Variants in TDRD1 observed in about 807,000 individuals in gnomAD.
The protein encoded by TDRD1 is tudor domain containing 1.
Under a neutral mutation model 140.6 loss-of-function variants are expected in TDRD1, and 37 were observed. The observed-to-expected ratio is 0.26, with a 90% CI of 0.20 to 0.35. The LOEUF is 0.35. Among genes scored for constraint, TDRD1 ranks in the 10% least tolerant of loss-of-function variants. The pLI is 1.00. For synonymous variants in TDRD1, 506 were observed against 475.7 expected (o/e 1.06, Z -0.83); for missense variants, 1,243 against 1,393.0 (o/e 0.89, Z 1.71).
chr10:114,207,543 A>G (rs1270902995), intron 11 of TDRD1, among the ~76,000 whole-genome samples: 1 of 152,166 alleles, frequency 6.6e-6, no homozygotes, highest in Non-Finnish European at 1.5e-5. Flanking sequence ...TCTTGGTGGG[A>G]CAGCTCTGAT....
At chr10:114,201,630 C>T in intron 5 of TDRD1, 115 bp downstream of exon 5, 1 of 759,668 alleles carries the variant, frequency 1.3e-6, no homozygotes, top group East Asian at 2.7e-5. Context: ...TTCTTAAGCT[C>T]TATAACAAAG....
chr10:114,218,733 C>A, intron 18 of TDRD1, 149 bp downstream of exon 18: 4 of 555,206 alleles, frequency 7.2e-6, no homozygotes, highest in Non-Finnish European at 8.7e-6. Context: ...CAATATTGAC[C>A]AAAAACGTCC....
At chr10:114,196,120 A>T (rs957842163) in intron 3 of TDRD1, among the ~76,000 whole-genome samples, 15 of 152,200 alleles carry the variant, frequency 9.9e-5, no homozygotes, top group African/African-American at 3.1e-4. Context: ...AATGCTCAAC[A>T]AGAGAAAGTC....
In TDRD1 at chr10:114,225,732, C is replaced by G. The variant is rs936654671; in HGVS notation, c.3008-317C>G. 1.1e-4 allele frequency among the ~76,000 whole-genome samples: 16 copies of G among 151,976 alleles called. 1 individual carries two copies. The highest frequency in any genetic ancestry group is 3.9e-4 in the African/African-American group (16 of 41,444). On this transcript the variant is annotated intron_variant, in intron 21 of 25. Coordinates refer to ENST00000251864, the Ensembl canonical transcript of TDRD1. ...GTTAGCTGGGCATGGTGGTGTATAC[C>G]TGTATTCCCAGCTACTCAAGAAGCT...
chr10:114,203,887 A>G (rs2034928933), intron 8 of TDRD1, among the ~76,000 whole-genome samples, 186 bp from the exon 9 acceptor site: 1 of 152,236 alleles, frequency 6.6e-6, no homozygotes, highest in African/African-American at 2.4e-5. Flanking sequence ...TATTAATAAC[A>G]TGTCCTAACT....
upstream of TDRD1, among the ~76,000 whole-genome samples, chr10:114,175,545 A>T (rs775504979): frequency 6.6e-6 from 1 of 152,174 alleles, no homozygotes; most frequent in South Asian, 2.1e-4. Context: ...GCACACTCCT[A>T]TTCCCCAGAT....
At chr10:114,228,901 T>C in intron 25 of TDRD1, 1 of 395,342 alleles carries the variant, frequency 2.5e-6, no homozygotes, top group Non-Finnish European at 3.4e-6. Context: ...CTGGCCAAGA[T>C]GGCGAAACAC....
chr10:114,195,275 A>G (rs891274192), intron 3 of TDRD1, among the ~76,000 whole-genome samples: 1 of 152,158 alleles, frequency 6.6e-6, no homozygotes, highest in Admixed American at 6.5e-5. Flanking sequence ...TGGTCTTAGT[A>G]TACATTCTCT....
upstream of TDRD1, among the ~76,000 whole-genome samples, chr10:114,176,111 A>C (rs1440709165): frequency 1.3e-5 from 2 of 152,182 alleles, no homozygotes; most frequent in African/African-American, 4.8e-5. The surrounding 1 kb of genome is among the most constrained non-coding windows in gnomAD (Gnocchi z 4.2). Context: ...AACTGATAGG[A>C]AGCTTCGTAT....
exon 20 of TDRD1, chr10:114,221,443 A>T (rs1564692920): frequency 1.2e-6 from 2 of 1,613,662 alleles, no homozygotes; most frequent in Non-Finnish European, 1.7e-6. Flanking sequence ...CATAAGCCCA[A>T]ACTTGTTTTA....
chr10:114,188,849 C>CT (rs1488468611), intron 2 of TDRD1, among the ~76,000 whole-genome samples: 1 of 141,524 alleles, frequency 7.1e-6, no homozygotes, highest in Non-Finnish European at 1.5e-5. Context: ...GAGCGATACT[C>CT]TGTCTCAAAA....
chr10:114,224,785 A>G (rs2036340315), intron 21 of TDRD1, among the ~76,000 whole-genome samples: 2 of 152,030 alleles, frequency 1.3e-5, no homozygotes, highest in Admixed American at 1.3e-4. Flanking sequence ...GTTCATTGTC[A>G]TATTCCTCCT....
chr10:114,183,465 T>C lies in TDRD1; in HGVS notation c.-7+4049T>C, dbSNP rs138591623. ...AATGAAAAAGACAGTGAAAAAGATA[T>C]CCTCATCAACCCACCTACCCCAGAA... On this transcript the variant is annotated intron_variant, in intron 1 of 25. Transcript: ENST00000251864. Among the ~76,000 whole-genome samples, 569 of 152,288 alleles carry C rather than the reference T, an allele frequency of 3.7e-3. 3 individuals are homozygous for C. Among genetic ancestry groups the C allele is most frequent in the African/African-American group, 0.013 (548 of 41,552 alleles).
exon 12 of TDRD1, chr10:114,210,628 G>A (rs906904597): frequency 2.2e-5 from 36 of 1,609,080 alleles, no homozygotes; most frequent in Non-Finnish European, 2.7e-5. Flanking sequence ...CAACATTGTC[G>A]TAGACAAAAG....
intron 3 of TDRD1, among the ~76,000 whole-genome samples, chr10:114,196,016 C>T (rs920073069): frequency 2.0e-5 from 3 of 152,226 alleles, no homozygotes; most frequent in African/African-American, 4.8e-5. Flanking sequence ...CATTTCTTTA[C>T]CTTCACCCAT....
chr10:114,221,712 C>G (rs181648882), intron 20 of TDRD1, among the ~76,000 whole-genome samples: 13 of 152,308 alleles, frequency 8.5e-5, no homozygotes, highest in Admixed American at 8.5e-4. Context: ...CTTTTTATAA[C>G]AGAAGTGTCC....
At chr10:114,219,575 G>T (rs971754401) in intron 18 of TDRD1, among the ~76,000 whole-genome samples, 2 of 148,398 alleles carry the variant, frequency 1.3e-5, no homozygotes, top group Non-Finnish European at 3.0e-5. Flanking sequence ...TCAGATTATT[G>T]TTCTTTTTTT....
intron 20 of TDRD1, among the ~76,000 whole-genome samples, chr10:114,221,713 A>G (rs2036156260): frequency 6.6e-6 from 1 of 152,226 alleles, no homozygotes; most frequent in Admixed American, 6.5e-5. Flanking sequence ...TTTTTATAAC[A>G]GAAGTGTCCT....
At chr10:114,203,595 A>G in intron 8 of TDRD1, 28 bp downstream of exon 8, 1 of 1,572,512 alleles carries the variant, frequency 6.4e-7, no homozygotes, top group South Asian at 1.2e-5. Flanking sequence ...GAATTATTTA[A>G]AACGTTTGAG....
Sources: gnomAD v4.1 joint callset for allele counts (sites outside exome capture counted in the v4.1 genomes callset) on GRCh38, gnomAD v4.1.1 for gene constraint, Gnocchi (gnomAD v3.1) non-coding constraint, MANE v1.5 for transcripts, NCBI Gene and HGNC (gene_info 2026-07-23, HGNC 2026-07-21) for gene names.